The following PDZRN4 variants were observed in gnomAD, a reference collection of about 807,000 sequenced individuals.
PDZRN4 encodes the protein PDZ domain containing ring finger 4, also known as PDZ domain-containing RING finger protein 4.
In PDZRN4, 70 loss-of-function variants were observed where a neutral mutation model predicts 99.0. That is an observed-to-expected ratio of 0.71 (90% CI 0.58 to 0.86). PDZRN4 has a LOEUF of 0.86. Ranked by LOEUF, PDZRN4 falls within the 40% of genes least tolerant of loss-of-function variation. The pLI is 0.00. For synonymous variants in PDZRN4, 551 were observed against 501.6 expected (o/e 1.10, Z -1.32); for missense variants, 1,474 against 1,331.2 (o/e 1.11, Z -1.67).
At chr12:41,357,915 C>G (rs1592026518) in intron 3 of PDZRN4, among the ~76,000 whole-genome samples, 2 of 151,948 alleles carry the variant, frequency 1.3e-5, no homozygotes, top group Non-Finnish European at 2.9e-5. Flanking sequence ...AACACTCTCC[C>G]CAGTACCTGA....
intron 3 of PDZRN4, among the ~76,000 whole-genome samples, chr12:41,337,226 T>C (rs192754844): frequency 6.6e-6 from 1 of 152,204 alleles, no homozygotes; most frequent in Non-Finnish European, 1.5e-5. Context: ...TTTTTCACTG[T>C]CATAATTTCC....
In PDZRN4 at chr12:41,347,160, T is replaced by C. The variant is rs574056109; in HGVS notation, c.843+152972T>C. On this transcript the variant is annotated intron_variant, in intron 3 of 9. Coordinates refer to ENST00000402685, the MANE Select transcript of PDZRN4 (RefSeq NM_001164595.2). The stretch of plus-strand genomic sequence containing the variant: ...TTTGCTTTCATTTTCCTTGGGTATA[T>C]ACCTAGGAGAGGAATTGCTGGGTCC... Among the ~76,000 whole-genome samples the C allele has an allele frequency of 3.3e-5, 5 of 152,286 alleles. No individual in the cohort carries two copies. In the East Asian group the frequency reaches 9.6e-4, roughly 29 times the overall value.
intron 3 of PDZRN4, among the ~76,000 whole-genome samples, chr12:41,477,434 G>A (rs1049799113): frequency 1.3e-5 from 2 of 152,218 alleles, no homozygotes; most frequent in African/African-American, 4.8e-5. Flanking sequence ...ATTCTCAGCA[G>A]TATTGAAGGT....
intron 3 of PDZRN4, among the ~76,000 whole-genome samples, chr12:41,437,014 T>G (rs1342273296): frequency 6.6e-6 from 1 of 152,220 alleles, no homozygotes; most frequent in Non-Finnish European, 1.5e-5. Flanking sequence ...ATGCGTTATA[T>G]GCTACAAATA....
chr12:41,563,140 C>G (rs1482205524), intron 7 of PDZRN4, among the ~76,000 whole-genome samples: 1 of 152,130 alleles, frequency 6.6e-6, no homozygotes, highest in African/African-American at 2.4e-5. Flanking sequence ...CTAATTGGCT[C>G]GCGGCAAGCG....
chr12:41,558,111 T>C (rs1161595339), intron 7 of PDZRN4, among the ~76,000 whole-genome samples: 2 of 152,242 alleles, frequency 1.3e-5, no homozygotes, highest in African/African-American at 4.8e-5. Flanking sequence ...TTTTACTATT[T>C]TTTAAATTTT....
At chr12:41,555,900 G>T (rs1939152255) in intron 7 of PDZRN4, 140 bp downstream of exon 7, 2 of 667,834 alleles carry the variant, frequency 3.0e-6, no homozygotes, top group Admixed American at 2.6e-5. Flanking sequence ...AAAAAAAAGT[G>T]CTGTCATTTA....
chr12:41,569,060 C>A (rs1303137271), intron 9 of PDZRN4, among the ~76,000 whole-genome samples: 2 of 151,408 alleles, frequency 1.3e-5, no homozygotes, highest in African/African-American at 2.4e-5. Flanking sequence ...CCTCGGCCTC[C>A]CAAAGTTCTG....
At chr12:41,449,899 T>A (rs1002972522) in intron 3 of PDZRN4, among the ~76,000 whole-genome samples, 6 of 151,994 alleles carry the variant, frequency 3.9e-5, no homozygotes, top group Non-Finnish European at 8.8e-5. Flanking sequence ...ATAGCTAAAT[T>A]GTCAAATTAT....
chr12:41,379,468 T>G (rs1312770743), intron 3 of PDZRN4, among the ~76,000 whole-genome samples: 1 of 151,742 alleles, frequency 6.6e-6, no homozygotes, highest in Non-Finnish European at 1.5e-5. Flanking sequence ...TTGCTTATTT[T>G]AGATCCTTCT....
At chr12:41,224,600 T>C (rs556792396) in intron 3 of PDZRN4, among the ~76,000 whole-genome samples, 2 of 152,276 alleles carry the variant, frequency 1.3e-5, no homozygotes, top group East Asian at 1.9e-4. Context: ...TTCTGAGAAG[T>C]AGAGAATTGT....
chr12:41,197,650 C>CAAGA lies in PDZRN4; in HGVS notation c.843+3464_843+3467dup, dbSNP rs1304292598. Among the ~76,000 whole-genome samples the CAAGA allele has an allele frequency of 1.2e-4, 19 of 152,190 alleles. No homozygotes were observed. The East Asian group carries it at 3.3e-3, about 26-fold the overall frequency. On this transcript the variant is annotated intron_variant, in intron 3 of 9. Coordinates refer to ENST00000402685, the MANE Select transcript of PDZRN4 (RefSeq NM_001164595.2). ...AAACATCACAGAAATTCACATACAC[C>CAAGA]AAGAATTCACCACAGTATACAGCTG... is the stretch of plus-strand genomic sequence containing the variant.
intron 3 of PDZRN4, among the ~76,000 whole-genome samples, chr12:41,425,635 A>T (rs969070580): frequency 2.0e-5 from 3 of 152,180 alleles, no homozygotes; most frequent in African/African-American, 7.2e-5. Context: ...AGCCAGAAAA[A>T]AAATATGTCC....
rs1379867001 is a variant in PDZRN4, at chr12:41,513,738, G to A, written c.1203+3825G>A. Among the ~76,000 whole-genome samples, 5 of 152,120 alleles carry A rather than the reference G, an allele frequency of 3.3e-5. No homozygotes were observed. The East Asian group carries it at 7.8e-4, about 24-fold the overall frequency. ...ACCTCTACTAGAAATAATTTAAAGGGAAAGGTTTTAAGAAACATAGAGATC... is the reference window on the plus strand; with the variant it reads ...ACCTCTACTAGAAATAATTTAAAGGAAAAGGTTTTAAGAAACATAGAGATC... On this transcript the variant is annotated intron_variant, in intron 5 of 9. Coordinates refer to ENST00000402685, the MANE Select transcript of PDZRN4 (RefSeq NM_001164595.2).
intron 3 of PDZRN4, among the ~76,000 whole-genome samples, chr12:41,312,345 A>G (rs1381220693): frequency 6.6e-6 from 1 of 151,614 alleles, no homozygotes; most frequent in Non-Finnish European, 1.5e-5. Context: ...CTGAACTTAG[A>G]ATGTGGCAAA....
intron 3 of PDZRN4, among the ~76,000 whole-genome samples, chr12:41,338,869 C>T (rs942664973): frequency 2.0e-5 from 3 of 151,754 alleles, no homozygotes; most frequent in African/African-American, 7.2e-5. Flanking sequence ...TTAAACATAA[C>T]CAAAACAGTG....
chr12:41,261,715 T>C (rs1951241303), intron 3 of PDZRN4, among the ~76,000 whole-genome samples: 1 of 152,160 alleles, frequency 6.6e-6, no homozygotes, highest in Admixed American at 6.5e-5. Context: ...GGTCTCGATC[T>C]CCTGACCTCG....
intron 3 of PDZRN4, among the ~76,000 whole-genome samples, chr12:41,386,932 T>C (rs769517723): frequency 2.0e-5 from 3 of 152,142 alleles, no homozygotes; most frequent in Non-Finnish European, 2.9e-5. Context: ...ATGCAGAAGA[T>C]TGAAACTGGA....
rs758377914 is a variant in PDZRN4, at chr12:41,572,736, G to C, written c.1957G>C (p.Glu653Gln). 28 of 1,614,134 alleles carry C rather than the reference G, an allele frequency of 1.7e-5. No homozygotes were observed. The highest frequency in any genetic ancestry group is 2.3e-5 in the Non-Finnish European group (27 of 1,180,006). ...CCTGTATTACTCAAGCAGCACAATT[G>C]AATGCAATCAAGGGGAGCAAGAGGG... ...YDLYYSSSTI[E>Q]CNQGEQEGVE... Residue 653 changes from glutamate (E) to glutamine (Q), a missense_variant, in exon 10 of 10, where the codon GAA (glutamate) becomes CAA (glutamine). By Grantham distance (29) the Glu-to-Gln change is conservative (BLOSUM62 2). Transcript: ENST00000402685.
Sources: gnomAD v4.1 joint callset for allele counts (sites outside exome capture counted in the v4.1 genomes callset) on GRCh38, gnomAD v4.1.1 for gene constraint, MANE v1.5 for transcripts, NCBI Gene and HGNC (gene_info 2026-07-23, HGNC 2026-07-21) for gene names.